Variants in CNBD1 observed in about 807,000 individuals in gnomAD.
CNBD1 encodes the protein cyclic nucleotide binding domain containing 1.
CNBD1 carries 71 observed loss-of-function variants against 54.4 expected under a neutral mutation model. The observed-to-expected ratio is 1.30, with a 90% CI of 1.08 to 1.59. CNBD1 has a LOEUF of 1.59. Among genes scored for constraint, CNBD1 ranks in the 40% most tolerant of loss-of-function variants. The pLI, the probability that CNBD1 is intolerant of heterozygous loss-of-function variation, is 0.00. For missense variants in CNBD1, 659 were observed against 518.0 expected, an observed-to-expected ratio of 1.27 and a Z score of -2.64; for synonymous variants, 182 against 170.7, an observed-to-expected ratio of 1.07 and a Z score of -0.51.
intron 1 of CNBD1, among the ~76,000 whole-genome samples, chr8:86,880,047 G>A (rs1020911111): frequency 6.6e-6 from 1 of 152,190 alleles, no homozygotes; most frequent in African/African-American, 2.4e-5. Context: ...TACTGTGAGA[G>A]TAGACTGGAG....
At chr8:87,252,795 T>A (rs1432979809) in intron 6 of CNBD1, among the ~76,000 whole-genome samples, 1 of 151,942 alleles carries the variant, frequency 6.6e-6, no homozygotes, top group Non-Finnish European at 1.5e-5. Flanking sequence ...TCAATTAAAG[T>A]GCTAAATTAC....
At chr8:86,891,826 T>C (rs1399059688) in intron 2 of CNBD1, among the ~76,000 whole-genome samples, 1 of 152,124 alleles carries the variant, frequency 6.6e-6, no homozygotes, top group Admixed American at 6.5e-5. Flanking sequence ...ATTTTTGTTG[T>C]TGCTATAGTA....
At chr8:87,344,498 G>T (rs1232914549) in intron 8 of CNBD1, among the ~76,000 whole-genome samples, 1 of 151,662 alleles carries the variant, frequency 6.6e-6, no homozygotes, top group Non-Finnish European at 1.5e-5. Context: ...ATGAAGGTTG[G>T]GTCACCAATA....
chr8:86,878,107 A>T (rs200971246), intron 1 of CNBD1, among the ~76,000 whole-genome samples: 8,375 of 68,732 alleles, frequency 0.12, 621 homozygotes, highest in African/African-American at 0.32. Flanking sequence ...TGTGTGTGTG[A>T]GAGAGAGAGA....
chr8:87,151,750 C>T (rs1469183203), intron 4 of CNBD1, among the ~76,000 whole-genome samples: 1 of 149,144 alleles, frequency 6.7e-6, no homozygotes, highest in Admixed American at 6.6e-5. Flanking sequence ...TAATTAAATG[C>T]ATATTAAAAA....
Position 87,212,771 on chromosome 8 carries a change from A to C in CNBD1, c.577+6633A>C, listed in dbSNP as rs989411475. Among the ~76,000 whole-genome samples the C allele has an allele frequency of 2.6e-5, 4 of 152,330 alleles. No homozygotes were observed. The South Asian group carries it at 8.3e-4, about 32-fold the overall frequency. ...AAAACTTTTAGAAGAAAAACTTAAG[A>C]ATCTTCATAATCACAGGTTAAGCCA... On this transcript the variant is annotated intron_variant, in intron 5 of 10. Coordinates refer to ENST00000518476, the MANE Select transcript of CNBD1 (RefSeq NM_173538.3).
chr8:86,998,675 A>G (rs1808931019), intron 4 of CNBD1, among the ~76,000 whole-genome samples: 1 of 152,230 alleles, frequency 6.6e-6, no homozygotes, highest in East Asian at 1.9e-4. Context: ...GGACAACTGT[A>G]TATCACTGGC....
At chr8:86,894,458 A>G in intron 2 of CNBD1, among the ~76,000 whole-genome samples, 1 of 152,134 alleles carries the variant, frequency 6.6e-6, no homozygotes, top group Admixed American at 6.5e-5. Flanking sequence ...AGTTTCCCAT[A>G]TGATCAATAT....
intron 10 of CNBD1, among the ~76,000 whole-genome samples, chr8:87,373,321 G>A (rs1713638865): frequency 6.6e-6 from 1 of 151,754 alleles, no homozygotes; most frequent in South Asian, 2.1e-4. Context: ...AATCACTTAG[G>A]TAATATTGAA....
chr8:87,405,747 G>A (rs1214928163), intron 2 of CNBD1, among the ~76,000 whole-genome samples: 3 of 152,124 alleles, frequency 2.0e-5, no homozygotes, highest in Non-Finnish European at 2.9e-5. Flanking sequence ...GACTAACAAT[G>A]CCGATAGCAC....
intron 4 of CNBD1, among the ~76,000 whole-genome samples, chr8:87,044,282 A>G (rs774972244): frequency 2.0e-5 from 3 of 151,940 alleles, no homozygotes; most frequent in Non-Finnish European, 2.9e-5. Context: ...ATAATGTTAT[A>G]TAAGTGTCAG....
At chr8:87,317,145 G>T (rs998942786) in intron 8 of CNBD1, among the ~76,000 whole-genome samples, 1 of 151,740 alleles carries the variant, frequency 6.6e-6, no homozygotes, top group Non-Finnish European at 1.5e-5. Flanking sequence ...TCTTCTCAAA[G>T]AAATAGCCTT....
At chr8:87,026,121 C>G (rs1317615103) in intron 4 of CNBD1, among the ~76,000 whole-genome samples, 1 of 152,094 alleles carries the variant, frequency 6.6e-6, no homozygotes, top group Non-Finnish European at 1.5e-5. Context: ...GAAATAAATG[C>G]CACAGAAGCA....
At chr8:87,031,129 A>G (rs901505988) in intron 4 of CNBD1, among the ~76,000 whole-genome samples, 1 of 151,596 alleles carries the variant, frequency 6.6e-6, no homozygotes, top group Admixed American at 6.6e-5. Context: ...TTCAGCATCG[A>G]TATATAATTA....
chr8:87,109,671 T>C (rs1811618705), intron 4 of CNBD1, among the ~76,000 whole-genome samples: 2 of 151,664 alleles, frequency 1.3e-5, no homozygotes, highest in Admixed American at 6.6e-5. Flanking sequence ...CCCGAGTAGC[T>C]GGGACTACAG....
chr8:87,241,968 T>G (rs1807716475), intron 6 of CNBD1, among the ~76,000 whole-genome samples: 1 of 152,114 alleles, frequency 6.6e-6, no homozygotes, highest in African/African-American at 2.4e-5. Context: ...AGACCCCTCG[T>G]CTTAGCCAAG....
intron 8 of CNBD1, among the ~76,000 whole-genome samples, chr8:87,342,740 G>A (rs906347228): frequency 1.3e-5 from 2 of 152,170 alleles, no homozygotes; most frequent in African/African-American, 2.4e-5. Flanking sequence ...AGGGGAGGGG[G>A]CACACGAACA....
At chr8:86,925,353 G>A (rs1212853608) in intron 3 of CNBD1, among the ~76,000 whole-genome samples, 2 of 152,110 alleles carry the variant, frequency 1.3e-5, no homozygotes, top group Non-Finnish European at 2.9e-5. Context: ...ATTTTTATGA[G>A]TGAGGCTCAC....
chr8:87,317,254 T>C (rs1279406981), intron 8 of CNBD1, among the ~76,000 whole-genome samples: 4 of 151,852 alleles, frequency 2.6e-5, no homozygotes, highest in Admixed American at 6.6e-5. Context: ...TTCACTCTTA[T>C]AGTAGCTTAA....
Sources: allele counts gnomAD v4.1 joint callset (sites outside exome capture counted in the v4.1 genomes callset), GRCh38; gene constraint gnomAD v4.1.1; transcripts MANE v1.5; gene names NCBI Gene and HGNC (gene_info 2026-07-23, HGNC 2026-07-21).